LAMA2: variants seen among roughly 807,000 people sequenced by gnomAD.
LAMA2 encodes the protein laminin subunit alpha-2.
In LAMA2, 269 loss-of-function variants were observed where a neutral mutation model predicts 364.8. That is an observed-to-expected ratio of 0.74 (90% CI 0.67 to 0.82). LAMA2 has a LOEUF of 0.82. LAMA2 is among the 40% of genes least tolerant of loss of function. LAMA2 has a pLI of 0.00. For missense variants in LAMA2, 3,807 were observed against 3,873.2 expected (o/e 0.98, Z 0.45); for synonymous variants, 1,379 against 1,370.6 (o/e 1.01, Z -0.14).
chr6:128,993,823 G>T (rs1321740182), intron 1 of LAMA2, among the ~76,000 whole-genome samples: 2 of 152,054 alleles, frequency 1.3e-5, no homozygotes, highest in Non-Finnish European at 2.9e-5. Context: ...ATATGCAGAA[G>T]AAAAATTAAT....
chr6:129,158,880 G>A (rs561685767), intron 8 of LAMA2: 44 of 1,612,384 alleles, frequency 2.7e-5, no homozygotes, highest in Middle Eastern at 1.7e-4. Context: ...GCAAAGCAAC[G>A]TCCATTAGTT....
At chr6:129,227,908 T>C (rs917812006) in intron 12 of LAMA2, among the ~76,000 whole-genome samples, 3 of 152,176 alleles carry the variant, frequency 2.0e-5, no homozygotes, top group African/African-American at 7.2e-5. Context: ...TTTGTTCGGC[T>C]ATGTCCTACT....
At chr6:128,924,850 ACAT>A (rs1454034342) in intron 1 of LAMA2, among the ~76,000 whole-genome samples, 17 of 152,230 alleles carry the variant, frequency 1.1e-4, no homozygotes, top group Admixed American at 1.0e-3. Context: ...ACCAGAAATA[ACAT>A]CAACAAGCCT....
At chr6:129,157,778 C>T in intron 8 of LAMA2, 1 of 1,613,034 alleles carries the variant, frequency 6.2e-7, no homozygotes, top group Non-Finnish European at 8.5e-7. Flanking sequence ...CTTCCACGAT[C>T]CCTCCTGTGA....
chr6:129,162,870 G>A (rs1214018006), intron 8 of LAMA2, among the ~76,000 whole-genome samples: 4 of 151,926 alleles, frequency 2.6e-5, no homozygotes, highest in African/African-American at 9.7e-5. Flanking sequence ...AGTAGAAGAA[G>A]GGGAGAATGA....
intron 1 of LAMA2, among the ~76,000 whole-genome samples, chr6:128,893,351 T>C (rs556919726): frequency 8.0e-4 from 122 of 151,978 alleles, no homozygotes; most frequent in African/African-American, 2.8e-3. Context: ...CCCCTTTCTT[T>C]GTTTTTTTTC....
intron 21 of LAMA2, among the ~76,000 whole-genome samples, chr6:129,300,150 G>T (rs1773459889): frequency 6.6e-6 from 1 of 152,130 alleles, no homozygotes; most frequent in South Asian, 2.1e-4. Flanking sequence ...ATAGAAAAAA[G>T]TCAGGTGGTA....
intron 3 of LAMA2, 61 bp downstream of exon 3, chr6:129,059,957 G>C (rs1231875814): frequency 1.1e-6 from 1 of 904,650 alleles, no homozygotes; most frequent in Non-Finnish European, 1.9e-6. Flanking sequence ...TTTGCTATTT[G>C]TTTAGTTAGT....
intron 1 of LAMA2, among the ~76,000 whole-genome samples, chr6:128,910,489 A>T (rs571047083): frequency 2.0e-5 from 3 of 152,002 alleles, no homozygotes; most frequent in African/African-American, 4.8e-5. Context: ...CAGCTCCATC[A>T]GCTCCTTTAA....
chr6:129,394,501 G>T (rs974815718), intron 37 of LAMA2, among the ~76,000 whole-genome samples: 2 of 152,076 alleles, frequency 1.3e-5, no homozygotes, highest in Admixed American at 1.3e-4. Context: ...TATTGAAGAG[G>T]CTTACTTTTT....
At chr6:128,948,881 C>T (rs1780640347) in intron 1 of LAMA2, among the ~76,000 whole-genome samples, 3 of 152,292 alleles carry the variant, frequency 2.0e-5, no homozygotes, top group South Asian at 4.2e-4. Flanking sequence ...GATGTCTGCA[C>T]CATGGTTCCT....
In LAMA2 at chr6:129,149,015, G is replaced by A. The variant is rs141340479; in HGVS notation, c.946G>A (p.Asp316Asn). The A allele has an allele frequency of 1.3e-4, 203 of 1,613,498 alleles. No individual in the cohort carries two copies. In the African/African-American group the frequency reaches 2.2e-3, roughly 17 times the overall value. The part of the protein sequence containing the change: ...RCECEHNTCG[D>N]SCDQCCPGFH... ...TGAGTGTGAGCATAACACATGTGGC[G>A]ATAGCTGTGATCAGTGCTGTCCAGG... Residue 316 changes from aspartate to asparagine, a missense_variant, in exon 7 of 65, where the codon GAT (aspartate) becomes AAT (asparagine). Asp to Asn is a conservative substitution (Grantham distance 23). Coordinates refer to ENST00000421865, the MANE Select transcript of LAMA2 (RefSeq NM_000426.4).
intron 44 of LAMA2, among the ~76,000 whole-genome samples, chr6:129,444,480 C>T (rs992693824): frequency 2.0e-5 from 3 of 152,136 alleles, no homozygotes; most frequent in Non-Finnish European, 4.4e-5. Flanking sequence ...ATATAACAAA[C>T]ATTTCTATCC....
At chr6:129,499,078 C>T (rs1785422642) in intron 58 of LAMA2, among the ~76,000 whole-genome samples, 1 of 152,228 alleles carries the variant, frequency 6.6e-6, no homozygotes, top group East Asian at 1.9e-4. Context: ...ACGCGAGACT[C>T]CCCACCCAAG....
intron 12 of LAMA2, among the ~76,000 whole-genome samples, chr6:129,207,405 A>C (rs1431249318): frequency 6.6e-6 from 1 of 152,114 alleles, no homozygotes; most frequent in Non-Finnish European, 1.5e-5. Flanking sequence ...ATATTGTTTT[A>C]TAGTAAAGAT....
chr6:128,952,670 ATAT>A (rs1181196474), intron 1 of LAMA2, among the ~76,000 whole-genome samples: 1 of 152,128 alleles, frequency 6.6e-6, no homozygotes, highest in African/African-American at 2.4e-5. Flanking sequence ...AATAGTGATA[ATAT>A]TATTAACACT....
At chr6:129,510,858 A>G (rs762481545) in intron 62 of LAMA2, among the ~76,000 whole-genome samples, 23 of 152,182 alleles carry the variant, frequency 1.5e-4, no homozygotes, top group Middle Eastern at 3.4e-3. Context: ...GAAAACAGAA[A>G]AACACAGGAT....
chr6:128,983,399 C>T (rs974150126), intron 1 of LAMA2, among the ~76,000 whole-genome samples: 3 of 152,160 alleles, frequency 2.0e-5, no homozygotes, highest in Non-Finnish European at 4.4e-5. Flanking sequence ...TTTTTGGCTG[C>T]ATAAATGTCT....
intron 52 of LAMA2, among the ~76,000 whole-genome samples, chr6:129,473,660 C>T (rs942297353): frequency 6.6e-6 from 1 of 151,828 alleles, no homozygotes; most frequent in African/African-American, 2.4e-5. Flanking sequence ...AATTGCTGTT[C>T]TCCTTCTACA....
Sources: allele counts gnomAD v4.1 joint callset (sites outside exome capture counted in the v4.1 genomes callset), GRCh38; gene constraint gnomAD v4.1.1; transcripts MANE v1.5; gene names NCBI Gene and HGNC (gene_info 2026-07-23, HGNC 2026-07-21).